The following CNIH3 variants were observed in gnomAD, a reference collection of about 807,000 sequenced individuals.
The protein encoded by CNIH3 is cornichon family AMPA receptor auxiliary protein 3.
A neutral mutation model predicts 24.1 loss-of-function variants in CNIH3; 14 were observed. The ratio of observed to expected loss-of-function variants is 0.58; its 90% CI spans 0.38 to 0.91. The LOEUF (loss-of-function observed/expected upper bound fraction) is 0.91, where lower values mean the gene tolerates loss of function less well. Ranked by LOEUF, CNIH3 falls within the 40% of genes least tolerant of loss-of-function variation. The pLI, the probability that CNIH3 is intolerant of heterozygous loss-of-function variation, is 0.00. For synonymous variants in CNIH3, 68 were observed against 73.8 expected (o/e 0.92, Z 0.40); for missense variants, 178 against 196.8 (o/e 0.90, Z 0.57).
At chr1:224,674,792 C>G (rs887961623) in intron 1 of CNIH3, among the ~76,000 whole-genome samples, 1 of 150,630 alleles carries the variant, frequency 6.6e-6, no homozygotes, top group Non-Finnish European at 1.5e-5. Context: ...TCCTCTGGCT[C>G]TGTCTCTCCT....
upstream of CNIH3, chr1:224,513,827 A>C (rs1678269177): frequency 6.6e-6 from 1 of 152,208 alleles, no homozygotes; most frequent in Admixed American, 6.5e-5. Context: ...TGAGAGGCTC[A>C]CTTTGCAGTG....
At chr1:224,734,062 C>G (rs1689472027) in intron 4 of CNIH3, among the ~76,000 whole-genome samples, 1 of 152,228 alleles carries the variant, frequency 6.6e-6, no homozygotes, top group Admixed American at 6.5e-5. Context: ...GGCTGATGTT[C>G]TTTTTGAGTT....
At chr1:224,685,105 T>C (rs10915692) in intron 3 of CNIH3, among the ~76,000 whole-genome samples, 30,786 of 152,174 alleles carry the variant, frequency 0.2, 3,560 homozygotes, top group African/African-American at 0.32. Flanking sequence ...GTTGGAGTTA[T>C]AAGCTCTTTA....
intron 1 of CNIH3, among the ~76,000 whole-genome samples, chr1:224,489,959 A>T (rs1001348194): frequency 6.6e-6 from 1 of 152,178 alleles, no homozygotes; most frequent in Non-Finnish European, 1.5e-5. Context: ...CTAGGGATTA[A>T]GTTTTCAACA....
At chr1:224,442,123 A>G (rs917125923) in intron 1 of CNIH3, among the ~76,000 whole-genome samples, 1 of 150,466 alleles carries the variant, frequency 6.6e-6, no homozygotes, top group African/African-American at 2.5e-5. Flanking sequence ...GGCTCAAGCA[A>G]TCCTCCCACC....
chr1:224,459,066 C>T (rs1675798170), intron 1 of CNIH3: 1 of 277,024 alleles, frequency 3.6e-6, no homozygotes, highest in Non-Finnish European at 5.5e-6. Flanking sequence ...GGATTGGTTC[C>T]AGTGTCTATT....
In CNIH3 at chr1:224,438,013, C is replaced by T. The variant is rs557410193; in HGVS notation, n.203+3151C>T. On this transcript the variant is annotated intron_variant and non_coding_transcript_variant, in intron 1 of 5. Transcript: ENST00000471578. ...CTGCAAGCTCCGCCTCCTGGGTTCA[C>T]GCCATTCTCCTGCTTCAGCCTCCCG... 1.1e-4 allele frequency among the ~76,000 whole-genome samples: 16 copies of T among 151,604 alleles called. No homozygotes were observed. In the East Asian group the frequency reaches 2.7e-3, roughly 26 times the overall value.
chr1:224,674,443 C>G (rs1686035991), intron 1 of CNIH3, among the ~76,000 whole-genome samples: 2 of 152,002 alleles, frequency 1.3e-5, no homozygotes, highest in Non-Finnish European at 2.9e-5. Flanking sequence ...TCTATAGTTT[C>G]CCACCTCTTG....
intron 1 of CNIH3, among the ~76,000 whole-genome samples, chr1:224,642,912 G>A (rs565872294): frequency 6.6e-6 from 1 of 152,276 alleles, no homozygotes; most frequent in South Asian, 2.1e-4. Flanking sequence ...AACTGTTGGT[G>A]CTCTGAGCTG....
At chr1:224,437,913 C>A (rs981890319) in intron 1 of CNIH3, among the ~76,000 whole-genome samples, 1 of 63,682 alleles carries the variant, frequency 1.6e-5, no homozygotes, top group African/African-American at 6.4e-5. Flanking sequence ...CCCACGGCAA[C>A]TATTTTTTTT....
intron 1 of CNIH3, among the ~76,000 whole-genome samples, chr1:224,467,635 G>A (rs1317366280): frequency 1.3e-5 from 2 of 151,984 alleles, no homozygotes; most frequent in Admixed American, 6.6e-5. Context: ...TATTGGCCAG[G>A]CTGGTCTCGA....
intron 2 of CNIH3, among the ~76,000 whole-genome samples, chr1:224,683,489 G>A (rs1287400347): frequency 3.7e-4 from 56 of 152,174 alleles, no homozygotes; most frequent in Non-Finnish European, 1.6e-4. Flanking sequence ...AGACTCAGGT[G>A]GCTTAAAAAA....
intron 1 of CNIH3, among the ~76,000 whole-genome samples, chr1:224,491,229 G>A (rs913856256): frequency 3.3e-5 from 5 of 152,266 alleles, no homozygotes; most frequent in Non-Finnish European, 2.9e-5. Context: ...ATGAGGTTTC[G>A]TTTGTCTGAG....
At chr1:224,448,244 A>G (rs1675244972) in intron 1 of CNIH3, among the ~76,000 whole-genome samples, 1 of 135,478 alleles carries the variant, frequency 7.4e-6, no homozygotes, top group African/African-American at 3.3e-5. Flanking sequence ...CTCCCAAAAA[A>G]CACACAAAAA....
intron 1 of CNIH3, among the ~76,000 whole-genome samples, chr1:224,677,449 C>T (rs1189560748): frequency 6.6e-6 from 1 of 152,228 alleles, no homozygotes; most frequent in Non-Finnish European, 1.5e-5. Context: ...TGGATGGATA[C>T]ATTAGCGAGT....
At chr1:224,727,281 C>CAAT (rs774232273) in intron 3 of CNIH3, among the ~76,000 whole-genome samples, 2 of 148,436 alleles carry the variant, frequency 1.3e-5, no homozygotes, top group African/African-American at 4.9e-5. Context: ...TATGGCAAAA[C>CAAT]AACAACAACA....
At chr1:224,724,397 A>G (rs1688906404) in intron 3 of CNIH3, among the ~76,000 whole-genome samples, 2 of 152,220 alleles carry the variant, frequency 1.3e-5, no homozygotes, top group African/African-American at 4.8e-5. Context: ...GTGATTAAAG[A>G]GCATGTGGCC....
At chr1:224,728,050 T>A (rs1215694950) in intron 3 of CNIH3, among the ~76,000 whole-genome samples, 1 of 152,124 alleles carries the variant, frequency 6.6e-6, no homozygotes, top group Non-Finnish European at 1.5e-5. Context: ...GCAGTGGTGA[T>A]TAAGAGTGGG....
intron 1 of CNIH3, among the ~76,000 whole-genome samples, chr1:224,475,085 C>T (rs564107226): frequency 1.4e-5 from 2 of 144,496 alleles, no homozygotes; most frequent in African/African-American, 5.1e-5. Context: ...AGAGGCTGGG[C>T]GCGGTGGCTC....
Sources: gnomAD v4.1 joint callset for allele counts (sites outside exome capture counted in the v4.1 genomes callset) on GRCh38, gnomAD v4.1.1 for gene constraint, MANE v1.5 for transcripts, NCBI Gene and HGNC (gene_info 2026-07-23, HGNC 2026-07-21) for gene names.